The following TAF15 variants were observed in gnomAD, a reference collection of about 807,000 sequenced individuals.
The protein encoded by TAF15 is TATA-binding protein-associated factor 2N.
TAF15 carries 37 observed loss-of-function variants against 102.5 expected under a neutral mutation model. The observed-to-expected ratio is 0.36, with a 90% CI of 0.28 to 0.47. The LOEUF (loss-of-function observed/expected upper bound fraction) is 0.47. Among genes scored for constraint, TAF15 ranks in the 20% least tolerant of loss-of-function variants. TAF15 has a pLI of 0.99. For missense variants in TAF15, 652 were observed against 760.7 expected, an observed-to-expected ratio of 0.86 and a Z score of 1.68; for synonymous variants, 273 against 259.2, an observed-to-expected ratio of 1.05 and a Z score of -0.51.
intron 2 of TAF15, among the ~76,000 whole-genome samples, chr17:35,818,067 A>G (rs1480114888): frequency 1.3e-5 from 2 of 150,734 alleles, no homozygotes; most frequent in Non-Finnish European, 1.5e-5. Flanking sequence ...AATCTCCACT[A>G]CAGACATGTG....
chr17:35,838,069 G>C (rs1047301545), intron 10 of TAF15, among the ~76,000 whole-genome samples: 1 of 152,180 alleles, frequency 6.6e-6, no homozygotes, highest in East Asian at 1.9e-4. Flanking sequence ...TGTAGTCCCA[G>C]CTACTCGGGA....
chr17:35,833,578 A>ACT (rs1598540166), intron 7 of TAF15: 1 of 216,696 alleles, frequency 4.6e-6, no homozygotes, highest in Non-Finnish European at 9.2e-6. Context: ...AAAAATACTT[A>ACT]CTCTAGTTTA....
chr17:35,818,371 G>C (rs1382265932), intron 2 of TAF15: 1 of 152,942 alleles, frequency 6.5e-6, no homozygotes, highest in Admixed American at 6.5e-5. Flanking sequence ...GGGGATTACA[G>C]GTGTGAGCCA....
At chr17:35,840,918 C>T (rs1000185108) in intron 11 of TAF15, among the ~76,000 whole-genome samples, 8 of 152,012 alleles carry the variant, frequency 5.3e-5, no homozygotes, top group African/African-American at 1.9e-4. Context: ...GTATTCTTTA[C>T]TTTTTTAGAC....
At chr17:35,843,688 C>G (rs999818347) in intron 12 of TAF15, among the ~76,000 whole-genome samples, 1 of 152,122 alleles carries the variant, frequency 6.6e-6, no homozygotes, top group Non-Finnish European at 1.5e-5. Context: ...GTCATTGAAG[C>G]ATTTCAGGTT....
intron 7 of TAF15, among the ~76,000 whole-genome samples, chr17:35,829,530 G>A (rs1164373787): frequency 6.7e-6 from 1 of 148,484 alleles, no homozygotes; most frequent in East Asian, 2.0e-4. Flanking sequence ...TACTCGGGAG[G>A]CTGAGGCAGG....
rs748835208 is a variant in TAF15 at position 35,817,729 on chromosome 17, C to T, written c.21C>T (p.Tyr7=). 6 of 1,613,110 alleles carry T rather than the reference C, an allele frequency of 3.7e-6. No individual in the cohort carries two copies. Among genetic ancestry groups the T allele is most frequent in the African/African-American group, 2.7e-5 (2 of 74,812 alleles). The change falls in exon 2 of 16, where the codon TAC becomes TAT. Residue 7 remains tyrosine (Y), a synonymous_variant. Coordinates refer to ENST00000605844, the MANE Select transcript of TAF15 (RefSeq NM_139215.3). ...TATGTGTTCTAGATTCTGGAAGTTA[C>T]GGTCAGTCTGGGGGTGAGCAGCAAA... MSDSGS[Y]GQSGGEQQSY...
At chr17:35,809,742 C>T (rs2087102405) in intron 1 of TAF15, 166 bp downstream of exon 1, 10 of 894,386 alleles carry the variant, frequency 1.1e-5, no homozygotes, top group Admixed American at 2.2e-5. Context: ...GAGGCACGCA[C>T]GCTCCCAATG....
chr17:35,843,327 TTGGTCAGGC>T (rs1269354750), intron 12 of TAF15, among the ~76,000 whole-genome samples: 1 of 152,184 alleles, frequency 6.6e-6, no homozygotes, highest in Non-Finnish European at 1.5e-5. Context: ...TTCTCCCATG[TTGGTCAGGC>T]TGGTCTCGAA....
chr17:35,811,218 C>T (rs993557419), intron 1 of TAF15: 1 of 152,122 alleles, frequency 6.6e-6, no homozygotes, highest in Non-Finnish European at 1.5e-5. Context: ...TGTGGAAAGT[C>T]GAAGTTTTAG....
Position 35,827,811 on chromosome 17 carries a change from G to T in TAF15, c.605+3613G>T, listed in dbSNP as rs200489650. 3.1e-4 allele frequency among the ~76,000 whole-genome samples: 47 copies of T among 152,186 alleles called. No individual in the cohort carries two copies. The East Asian group carries it at 6.0e-3, about 19-fold the overall frequency. On this transcript the variant is annotated intron_variant, in intron 7 of 15. Coordinates refer to ENST00000605844, the MANE Select transcript of TAF15 (RefSeq NM_139215.3). ...TGGTGTGATTGCCTGGCTAGAAGAA[G>T]AATTCCCGGTCAAAAAGAAACCATC...
chr17:35,815,748 C>T (rs1254359033), intron 1 of TAF15, among the ~76,000 whole-genome samples: 4 of 152,138 alleles, frequency 2.6e-5, no homozygotes, highest in Non-Finnish European at 5.9e-5. Context: ...TTGGGATAAT[C>T]TGATTTCCTG....
intron 1 of TAF15, among the ~76,000 whole-genome samples, chr17:35,814,278 G>A (rs1371471228): frequency 1.3e-5 from 2 of 151,722 alleles, no homozygotes; most frequent in African/African-American, 4.8e-5. Flanking sequence ...CCATTCTCCT[G>A]CCTCAGCCTC....
intron 5 of TAF15, among the ~76,000 whole-genome samples, chr17:35,821,202 A>G (rs2087254164): frequency 6.6e-6 from 1 of 152,180 alleles, no homozygotes; most frequent in Admixed American, 6.5e-5. Flanking sequence ...ATTAAATAAA[A>G]GCATTGAGGA....
chr17:35,811,525 G>A (rs1346518408), intron 1 of TAF15: 1 of 152,098 alleles, frequency 6.6e-6, no homozygotes, highest in Non-Finnish European at 1.5e-5. Flanking sequence ...TTGACTTTGT[G>A]TAAAAATAAT....
chr17:35,822,196 C>A (rs1245988094), intron 5 of TAF15, among the ~76,000 whole-genome samples: 1 of 151,874 alleles, frequency 6.6e-6, no homozygotes, highest in Admixed American at 6.6e-5. Flanking sequence ...ACAAAATTAG[C>A]CAGGCGTGGT....
chr17:35,829,387 C>T (rs1407982839), intron 7 of TAF15, among the ~76,000 whole-genome samples: 3 of 150,310 alleles, frequency 2.0e-5, no homozygotes, highest in Non-Finnish European at 4.4e-5. Flanking sequence ...GATCCCAGCA[C>T]TTTGGGAGGC....
chr17:35,845,636 A>G (rs946867845), intron 15 of TAF15, among the ~76,000 whole-genome samples: 1 of 152,130 alleles, frequency 6.6e-6, no homozygotes, highest in Non-Finnish European at 1.5e-5. Context: ...CAGCCTCCCA[A>G]GTAGCTGGGA....
intron 5 of TAF15, among the ~76,000 whole-genome samples, chr17:35,821,780 T>TA (rs955169918): frequency 5.3e-5 from 8 of 152,114 alleles, no homozygotes; most frequent in South Asian, 2.1e-4. Flanking sequence ...TTTTTTCAGA[T>TA]AAAAAAAATT....
Sources: gnomAD v4.1 joint callset for allele counts (sites outside exome capture counted in the v4.1 genomes callset) on GRCh38, gnomAD v4.1.1 for gene constraint, MANE v1.5 for transcripts, NCBI Gene and HGNC (gene_info 2026-07-23, HGNC 2026-07-21) for gene names.